Variants in RSPRY1 observed in about 807,000 individuals in gnomAD.
RSPRY1 encodes the protein ring finger and SPRY domain containing 1.
A neutral mutation model predicts 73.1 loss-of-function variants in RSPRY1; 23 were observed. That is an observed-to-expected ratio of 0.31 (90% CI 0.23 to 0.45). RSPRY1 has a LOEUF of 0.45. RSPRY1 is among the 20% of genes least tolerant of loss of function. The pLI is 1.00. For synonymous variants in RSPRY1, 226 were observed against 251.4 expected (o/e 0.90, Z 0.95); for missense variants, 448 against 698.7 (o/e 0.64, Z 4.05).
intron 1 of RSPRY1, among the ~76,000 whole-genome samples, chr16:57,203,839 C>T (rs1260867468): frequency 2.6e-5 from 4 of 152,194 alleles, no homozygotes; most frequent in African/African-American, 9.7e-5. Flanking sequence ...TGTGAAAATA[C>T]AACTTTTGTG....
intron 2 of RSPRY1, chr16:57,207,585 A>C (rs560330019): frequency 2.2e-6 from 1 of 456,038 alleles, no homozygotes; most frequent in African/African-American, 2.0e-5. Flanking sequence ...ATGTAGTGGT[A>C]TTTCCAGAAG....
At chr16:57,232,542 G>A (rs16967938) in intron 13 of RSPRY1, among the ~76,000 whole-genome samples, 8,660 of 152,074 alleles carry the variant, frequency 0.057, 484 homozygotes, top group East Asian at 0.23. Context: ...ATCATACCCC[G>A]TTCTTTTTCA....
Position 57,216,934 on chromosome 16 carries a change from G to C in RSPRY1, c.800G>C (p.Ser267Thr). ...SENKLTISES[S>T]ISDRLVTLES... ...AATAAATTGACTATTTCTGAATCCAGTATTAGTGACCGGCTTGTCACATTG... is the reference window on the plus strand; with the variant it reads ...AATAAATTGACTATTTCTGAATCCACTATTAGTGACCGGCTTGTCACATTG... The change falls in exon 8 of 15, where the codon AGT becomes ACT. Residue 267 changes from serine (S) to threonine (T), a missense_variant. By Grantham distance (58) the Ser-to-Thr change is moderately conservative (BLOSUM62 1). Coordinates refer to ENST00000394420, the MANE Select transcript of RSPRY1 (RefSeq NM_133368.3). The C allele has an allele frequency of 1.2e-6, 2 of 1,613,424 alleles. No individual in the cohort carries two copies. The highest frequency in any genetic ancestry group is 1.7e-6 in the Non-Finnish European group (2 of 1,179,352).
At chr16:57,217,829 A>G (rs2074965804) in intron 8 of RSPRY1, among the ~76,000 whole-genome samples, 1 of 152,168 alleles carries the variant, frequency 6.6e-6, no homozygotes, top group Non-Finnish European at 1.5e-5. Flanking sequence ...GGACATGTAA[A>G]TCCACCCCCA....
At chr16:57,203,974 C>G (rs1186385190) in intron 1 of RSPRY1, among the ~76,000 whole-genome samples, 1 of 152,176 alleles carries the variant, frequency 6.6e-6, no homozygotes, top group African/African-American at 2.4e-5. Flanking sequence ...TTTTATTCTC[C>G]TTGATATCAA....
chr16:57,225,171 G>A (rs558934248), intron 10 of RSPRY1, among the ~76,000 whole-genome samples: 7 of 152,324 alleles, frequency 4.6e-5, no homozygotes, highest in African/African-American at 1.7e-4. Flanking sequence ...GGCGATTCTT[G>A]TGCCTCAGCC....
intron 14 of RSPRY1, among the ~76,000 whole-genome samples, chr16:57,237,626 TC>T (rs1183685393): frequency 6.6e-6 from 1 of 152,162 alleles, no homozygotes; most frequent in Non-Finnish European, 1.5e-5. Context: ...GATGGATACT[TC>T]CATAACAATA....
At chr16:57,216,004 A>G (rs2074932001) in intron 6 of RSPRY1, 103 bp from the exon 7 acceptor site, 6 of 873,998 alleles carry the variant, frequency 6.9e-6, no homozygotes, top group Non-Finnish European at 1.1e-5. Flanking sequence ...ACCACTCGAA[A>G]AAACATCTAG....
rs1186667165 is a variant in RSPRY1 at position 57,212,381 on chromosome 16, C to CTTTTT, written c.517-591_517-590insTTTTT. Among the ~76,000 whole-genome samples, 200 of 152,294 alleles carry CTTTTT rather than the reference C, an allele frequency of 1.3e-3. 1 individual carries two copies. The highest frequency in any genetic ancestry group is 4.6e-3 in the African/African-American group (192 of 41,572). Reference sequence around the variant, plus strand: ...TTTTTAAAGTAACTTTTTACTTCAACATCACCAGCCTTTAATGTTTTCATA... The same window carrying CTTTTT: ...TTTTTAAAGTAACTTTTTACTTCAACTTTTTATCACCAGCCTTTAATGTTTTCATA... On this transcript the variant is annotated intron_variant, in intron 4 of 14. Coordinates refer to ENST00000394420, the MANE Select transcript of RSPRY1 (RefSeq NM_133368.3).
intron 7 of RSPRY1, 82 bp downstream of exon 7, chr16:57,216,255 T>A: frequency 9.8e-7 from 1 of 1,025,164 alleles, no homozygotes; most frequent in Non-Finnish European, 1.5e-6. Context: ...TGGATAAGCC[T>A]ACACTTTGAA....
intron 1 of RSPRY1, among the ~76,000 whole-genome samples, chr16:57,187,667 A>T (rs2074260919): frequency 6.6e-6 from 1 of 152,228 alleles, no homozygotes; most frequent in East Asian, 1.9e-4. Context: ...AATGTAAAGT[A>T]GTATGTAGAG....
rs778607950 is a variant in RSPRY1 at position 57,216,121 on chromosome 16, C to A, written c.717C>A (p.His239Gln). The change falls in exon 7 of 15, where the codon CAC becomes CAA. Residue 239 changes from histidine to glutamine, a missense_variant. His to Gln is a conservative substitution (Grantham distance 24, BLOSUM62 0). Transcript: ENST00000394420. ...YLLQCLKLQSHPTVMLFALIA... is the reference protein window; with the variant it reads ...YLLQCLKLQSQPTVMLFALIA... ...TTGTTTTTCAGAAGTTACAGTCCCACCCCACAGTCATGCTTTTTGCACTTA... is the reference window on the plus strand; with the variant it reads ...TTGTTTTTCAGAAGTTACAGTCCCAACCCACAGTCATGCTTTTTGCACTTA... The A allele has an allele frequency of 4.4e-6, 7 of 1,608,432 alleles. No homozygotes were observed. Among genetic ancestry groups the A allele is most frequent in the Non-Finnish European group, 5.9e-6 (7 of 1,176,736 alleles).
Position 57,228,767 on chromosome 16 carries a change from CAT to C in RSPRY1, c.1273+1316_1273+1317del, listed in dbSNP as rs1194777506. Among the ~76,000 whole-genome samples, 3 of 152,160 alleles carry C rather than the reference CAT, an allele frequency of 2.0e-5. No individual in the cohort carries two copies. In the South Asian group the frequency reaches 6.2e-4, roughly 32 times the overall value. On this transcript the variant is annotated intron_variant, in intron 11 of 14. Transcript: ENST00000394420. ...TGCGTGCAGTGGTGTGATCATAGCTCATACAGCCTTGACCTCCCAGGCACAAT... is the reference window on the plus strand; with the variant it reads ...TGCGTGCAGTGGTGTGATCATAGCTCACAGCCTTGACCTCCCAGGCACAAT...
intron 1 of RSPRY1, among the ~76,000 whole-genome samples, chr16:57,202,899 T>TATATATATATAC (rs1361081298): frequency 6.8e-6 from 1 of 147,220 alleles, no homozygotes; most frequent in Non-Finnish European, 1.5e-5. Context: ...TATATATATA[T>TATATATATATAC]ATATATATCT....
intron 2 of RSPRY1, among the ~76,000 whole-genome samples, chr16:57,206,872 A>G (rs1337586873): frequency 2.0e-5 from 3 of 152,196 alleles, no homozygotes; most frequent in Non-Finnish European, 4.4e-5. Context: ...GCCCCTTGCA[A>G]TATTTTAAAA....
At chr16:57,232,058 G>A (rs2075230546) in intron 13 of RSPRY1, among the ~76,000 whole-genome samples, 1 of 152,166 alleles carries the variant, frequency 6.6e-6, no homozygotes, top group Admixed American at 6.5e-5. Context: ...TTTAAACAGA[G>A]CAGCTGCCTG....
At chr16:57,233,458 A>G (rs1225386474) in intron 13 of RSPRY1, among the ~76,000 whole-genome samples, 1 of 151,890 alleles carries the variant, frequency 6.6e-6, no homozygotes, top group Non-Finnish European at 1.5e-5. Context: ...TGCAACCTCC[A>G]TCTCCCAGGC....
rs3217258 is a variant in RSPRY1 at position 57,239,049 on chromosome 16, ACT to A, written c.*79_*80del. ...TGTTGAAAAGAAAAAGAAAAAAAAA[ACT>A]CTCTAATCAGTTGTACACACATTGA... On this transcript the variant is annotated 3_prime_UTR_variant, in exon 15 of 15. Transcript: ENST00000394420. 163,230 of 731,518 alleles carry A rather than the reference ACT, an allele frequency of 0.22. 19,268 individuals are homozygous for A. The highest frequency in any genetic ancestry group is 0.4 in the South Asian group (18,370 of 45,500). 45.3% of individuals were successfully genotyped at this position (731,518 alleles called of 1,614,324 possible).
intron 2 of RSPRY1, among the ~76,000 whole-genome samples, chr16:57,205,971 G>A (rs749404318): frequency 9.9e-5 from 15 of 152,086 alleles, no homozygotes; most frequent in Non-Finnish European, 2.2e-4. Flanking sequence ...TTTGATAATC[G>A]CATTTATAGA....
Sources: allele counts gnomAD v4.1 joint callset (sites outside exome capture counted in the v4.1 genomes callset), GRCh38; gene constraint gnomAD v4.1.1; transcripts MANE v1.5; gene names NCBI Gene and HGNC (gene_info 2026-07-23, HGNC 2026-07-21).